The following PPP1R9A variants were observed in gnomAD, a reference collection of about 807,000 sequenced individuals.
PPP1R9A encodes protein phosphatase 1 regulatory subunit 9A, also known as neurabin-1.
Under a neutral mutation model 141.9 loss-of-function variants are expected in PPP1R9A, and 59 were observed. The ratio of observed to expected loss-of-function variants is 0.42; its 90% CI spans 0.34 to 0.52. The LOEUF is 0.52. Among genes scored for constraint, PPP1R9A ranks in the 20% least tolerant of loss-of-function variants. PPP1R9A has a pLI of 0.10. For synonymous variants in PPP1R9A, 500 were observed against 569.7 expected, an observed-to-expected ratio of 0.88 and a Z score of 1.74; for missense variants, 1,444 against 1,611.9, an observed-to-expected ratio of 0.90 and a Z score of 1.78.
intron 4 of PPP1R9A, among the ~76,000 whole-genome samples, chr7:95,125,605 A>G (rs572675069): frequency 6.6e-6 from 1 of 152,318 alleles, no homozygotes; most frequent in Admixed American, 6.5e-5. Flanking sequence ...CATGGATGGT[A>G]ACTGACAAAG....
At chr7:95,058,309 G>T (rs770090992) in intron 2 of PPP1R9A, among the ~76,000 whole-genome samples, 2 of 152,160 alleles carry the variant, frequency 1.3e-5, no homozygotes, top group African/African-American at 2.4e-5. Flanking sequence ...GATAGAGAAT[G>T]CAAGGAATTT....
chr7:95,111,924 A>G (rs530272163), intron 3 of PPP1R9A, among the ~76,000 whole-genome samples: 107 of 152,192 alleles, frequency 7.0e-4, no homozygotes, highest in African/African-American at 2.5e-3. Context: ...CACCCTGCCT[A>G]CTGTAGTAAC....
At chr7:95,017,096 A>G (rs1360580486) in intron 2 of PPP1R9A, among the ~76,000 whole-genome samples, 2 of 152,116 alleles carry the variant, frequency 1.3e-5, no homozygotes, top group African/African-American at 4.8e-5. Flanking sequence ...ACCAGAAGCT[A>G]GAAGAGGGAA....
At chr7:95,172,993 T>C (rs1163337138) in intron 5 of PPP1R9A, among the ~76,000 whole-genome samples, 2 of 151,420 alleles carry the variant, frequency 1.3e-5, no homozygotes, top group Non-Finnish European at 3.0e-5. Flanking sequence ...GCTGAAAAAA[T>C]TAAATAGTCT....
chr7:95,067,427 C>A (rs1388045234), intron 2 of PPP1R9A, among the ~76,000 whole-genome samples: 1 of 151,988 alleles, frequency 6.6e-6, no homozygotes, highest in Non-Finnish European at 1.5e-5. Context: ...GATACACTGG[C>A]GGGAAGGAAG....
intron 2 of PPP1R9A, among the ~76,000 whole-genome samples, chr7:95,090,398 CTTT>C (rs1344573503): frequency 6.6e-6 from 1 of 151,906 alleles, no homozygotes; most frequent in Non-Finnish European, 1.5e-5. Context: ...GACAAATTTG[CTTT>C]TATAGTGTAT....
At chr7:94,929,273 C>T (rs374407641) in intron 2 of PPP1R9A, among the ~76,000 whole-genome samples, 4 of 152,098 alleles carry the variant, frequency 2.6e-5, no homozygotes, top group Non-Finnish European at 5.9e-5. Context: ...TTGGGAGAGA[C>T]GGACACGTAA....
At position 94,910,052 on chromosome 7, in the gene PPP1R9A, C is replaced by A; in HGVS notation, c.-62C>A. ...ACTGGTGATTAGAGAAGAGAGGTAT[C>A]TTGGTTTTTGGTTTTTTTCTTTGAT... On this transcript the variant is annotated 5_prime_UTR_variant, in exon 2 of 20. Transcript: ENST00000433360. The surrounding 1 kb of genome is among the most constrained non-coding windows in gnomAD (Gnocchi z 4.5). 2 of 1,426,646 alleles carry A rather than the reference C, an allele frequency of 1.4e-6. No individual in the cohort carries two copies. The highest frequency in any genetic ancestry group is 1.9e-6 in the Non-Finnish European group (2 of 1,045,522). The allele number at this position is 1,426,646 out of a possible 1,614,324, so 88.4% of individuals were successfully genotyped here. A position where few individuals can be genotyped will look rare whatever the true frequency, so the allele number is the denominator to read the frequency against.
chr7:95,100,875 C>T (rs1584688552), intron 2 of PPP1R9A, among the ~76,000 whole-genome samples: 1 of 99,944 alleles, frequency 1.0e-5, no homozygotes, highest in African/African-American at 3.9e-5. Flanking sequence ...TTTTTTGAGA[C>T]GGAGTCTCGC....
chr7:95,232,396 T>C (rs6961264), intron 8 of PPP1R9A, among the ~76,000 whole-genome samples: 61,712 of 151,614 alleles, frequency 0.41, 12,763 homozygotes, highest in South Asian at 0.49. Context: ...GACTTAAACG[T>C]AACATCTAAA....
intron 9 of PPP1R9A, 95 bp from the exon 10 acceptor site, chr7:95,249,931 A>G (rs1798640620): frequency 1.4e-6 from 2 of 1,434,062 alleles, no homozygotes; most frequent in South Asian, 1.5e-5. Context: ...ATTGTTTATG[A>G]TAATAGAACT....
intron 8 of PPP1R9A, among the ~76,000 whole-genome samples, chr7:95,245,708 G>A (rs1448178939): frequency 1.3e-5 from 2 of 152,180 alleles, no homozygotes; most frequent in African/African-American, 2.4e-5. Context: ...TTCCTTGCCA[G>A]GTGCACTAAT....
chr7:95,274,938 A>G (rs1802887550), intron 16 of PPP1R9A, among the ~76,000 whole-genome samples: 1 of 152,210 alleles, frequency 6.6e-6, no homozygotes, highest in African/African-American at 2.4e-5. Context: ...ACATAAGGTC[A>G]GTGTAAGGAT....
intron 2 of PPP1R9A, among the ~76,000 whole-genome samples, chr7:95,080,408 A>G (rs1815621241): frequency 6.6e-6 from 1 of 152,170 alleles, no homozygotes; most frequent in Non-Finnish European, 1.5e-5. Context: ...CTTCAAGGAG[A>G]ACTACAAACC....
chr7:95,146,948 T>C (rs141545665), intron 4 of PPP1R9A, among the ~76,000 whole-genome samples: 218 of 152,322 alleles, frequency 1.4e-3, no homozygotes, highest in African/African-American at 5.2e-3. Flanking sequence ...TCAGCTTTGT[T>C]GTTTTTGCTT....
intron 2 of PPP1R9A, among the ~76,000 whole-genome samples, chr7:94,962,121 G>A (rs1184877547): frequency 1.3e-5 from 2 of 151,896 alleles, no homozygotes; most frequent in Non-Finnish European, 2.9e-5. Flanking sequence ...GGTCACCTGT[G>A]AATGGGTCCT....
chr7:95,236,086 TA>T (rs1796641232), intron 8 of PPP1R9A, among the ~76,000 whole-genome samples: 1 of 152,108 alleles, frequency 6.6e-6, no homozygotes. Flanking sequence ...AAATCACCAC[TA>T]AAGAATTTTT....
intron 2 of PPP1R9A, among the ~76,000 whole-genome samples, chr7:94,940,334 G>A (rs868541319): frequency 6.6e-6 from 1 of 151,784 alleles, no homozygotes; most frequent in South Asian, 2.1e-4. Context: ...ATAATGTAGG[G>A]TGTCCTTTTT....
intron 2 of PPP1R9A, among the ~76,000 whole-genome samples, chr7:95,080,540 A>G (rs1386891866): frequency 1.3e-5 from 2 of 152,356 alleles, no homozygotes; most frequent in Non-Finnish European, 2.9e-5. Flanking sequence ...ATTCAATGCC[A>G]TCTCCATCAA....
Sources: gnomAD v4.1 joint callset for allele counts (sites outside exome capture counted in the v4.1 genomes callset) on GRCh38, gnomAD v4.1.1 for gene constraint, Gnocchi (gnomAD v3.1) non-coding constraint, MANE v1.5 for transcripts, NCBI Gene and HGNC (gene_info 2026-07-23, HGNC 2026-07-21) for gene names.